The following EXOC4 variants were observed in gnomAD, a reference collection of about 807,000 sequenced individuals.
EXOC4 encodes exocyst complex component 4.
EXOC4 carries 71 observed loss-of-function variants against 107.2 expected under a neutral mutation model. The observed-to-expected ratio is 0.66, with a 90% CI of 0.55 to 0.81. The LOEUF is 0.81. Among genes scored for constraint, EXOC4 ranks in the 30% least tolerant of loss-of-function variants. The probability of loss-of-function intolerance (pLI) is 0.00; values close to 1 mark genes in which losing one functional copy is unlikely to be tolerated. For synonymous variants in EXOC4, 456 were observed against 441.2 expected (o/e 1.03, Z -0.42); for missense variants, 1,108 against 1,189.6 (o/e 0.93, Z 1.01).
intron 17 of EXOC4, among the ~76,000 whole-genome samples, chr7:134,040,666 G>A (rs1488689450): frequency 1.3e-5 from 2 of 152,212 alleles, no homozygotes; most frequent in Non-Finnish European, 2.9e-5. Context: ...AAAGCAGGTA[G>A]TGATAATGGC....
At chr7:133,786,786 A>T (rs980316013) in intron 10 of EXOC4, among the ~76,000 whole-genome samples, 1 of 152,208 alleles carries the variant, frequency 6.6e-6, no homozygotes, top group Admixed American at 6.5e-5. Flanking sequence ...CTATTAGAAG[A>T]CTTATGGTTT....
chr7:133,938,689 A>C (rs1307955474), intron 14 of EXOC4, among the ~76,000 whole-genome samples: 1 of 152,258 alleles, frequency 6.6e-6, no homozygotes, highest in East Asian at 1.9e-4. Flanking sequence ...TTTAGGGCAC[A>C]TAAACTTTAA....
At chr7:133,691,566 A>G (rs769978702) in intron 10 of EXOC4, among the ~76,000 whole-genome samples, 2 of 152,238 alleles carry the variant, frequency 1.3e-5, no homozygotes, top group African/African-American at 2.4e-5. Context: ...GATATGTAAT[A>G]GTGAACCAGA....
chr7:133,377,724 C>G (rs189561418), intron 7 of EXOC4, among the ~76,000 whole-genome samples: 1 of 151,984 alleles, frequency 6.6e-6, no homozygotes, highest in Non-Finnish European at 1.5e-5. Flanking sequence ...TCAACACATA[C>G]GCACATTATG....
At chr7:133,623,816 G>C (rs1052042320) in intron 9 of EXOC4, among the ~76,000 whole-genome samples, 1 of 152,112 alleles carries the variant, frequency 6.6e-6, no homozygotes, top group Non-Finnish European at 1.5e-5. Context: ...TTGTAACAAG[G>C]TTACCTTTGT....
rs149547947 is a variant in EXOC4, at chr7:133,604,601, T to C, written c.1418-25444T>C. Among the ~76,000 whole-genome samples, 8 of 152,246 alleles carry C rather than the reference T, an allele frequency of 5.3e-5. No individual in the cohort carries two copies. The East Asian group carries it at 1.5e-3, about 29-fold the overall frequency. ...GACTGTAATTAAAATGATCTTTTCT[T>C]TGAGTTCTGAACTTGACACACTTGG... On this transcript the variant is annotated intron_variant, in intron 9 of 17. Transcript: ENST00000253861.
the EXOC4 span, among the ~76,000 whole-genome samples, chr7:134,098,046 G>A: frequency 1.3e-5 from 2 of 152,164 alleles, no homozygotes; most frequent in Admixed American, 1.3e-4. Flanking sequence ...TGTCACGAAA[G>A]GAGGATTCAC....
At chr7:133,409,698 C>G (rs1324710701) in intron 7 of EXOC4, among the ~76,000 whole-genome samples, 1 of 152,098 alleles carries the variant, frequency 6.6e-6, no homozygotes, top group Admixed American at 6.6e-5. Context: ...TTCCTTCTTG[C>G]TTTTCTACAT....
At chr7:133,311,529 C>G (rs1794871582) in intron 4 of EXOC4, among the ~76,000 whole-genome samples, 1 of 152,044 alleles carries the variant, frequency 6.6e-6, no homozygotes, top group Non-Finnish European at 1.5e-5. Flanking sequence ...CTCTTATGTA[C>G]AAATGATTCA....
intron 14 of EXOC4, among the ~76,000 whole-genome samples, chr7:133,954,810 GC>G (rs1312815320): frequency 6.6e-6 from 1 of 152,256 alleles, no homozygotes; most frequent in African/African-American, 2.4e-5. Flanking sequence ...ATGGGCTCCA[GC>G]CACTGCTCAC....
At chr7:133,879,605 A>C in intron 11 of EXOC4, among the ~76,000 whole-genome samples, 1 of 151,982 alleles carries the variant, frequency 6.6e-6, no homozygotes, top group Non-Finnish European at 1.5e-5. Context: ...TTCTCTCTTC[A>C]TTGATTTTTC....
chr7:133,371,109 C>T (rs978585160), intron 6 of EXOC4, among the ~76,000 whole-genome samples: 2 of 152,166 alleles, frequency 1.3e-5, no homozygotes, highest in African/African-American at 4.8e-5. Context: ...AATCAGCTTT[C>T]ACAACACCTC....
At chr7:133,301,082 G>A (rs1794631727) in intron 3 of EXOC4, among the ~76,000 whole-genome samples, 1 of 152,202 alleles carries the variant, frequency 6.6e-6, no homozygotes, top group African/African-American at 2.4e-5. Flanking sequence ...CATTCACTGG[G>A]AGACCTGGAG....
chr7:133,761,410 C>T (rs1041604932), intron 10 of EXOC4, among the ~76,000 whole-genome samples: 3 of 152,018 alleles, frequency 2.0e-5, no homozygotes, highest in Non-Finnish European at 2.9e-5. Flanking sequence ...TGCTGAATCT[C>T]TCGGTAAAAA....
chr7:133,269,492 A>T (rs1793813820), intron 1 of EXOC4, among the ~76,000 whole-genome samples: 1 of 152,218 alleles, frequency 6.6e-6, no homozygotes, highest in African/African-American at 2.4e-5. Flanking sequence ...TAGGTATGCA[A>T]AATAACCACT....
intron 12 of EXOC4, among the ~76,000 whole-genome samples, chr7:133,911,699 T>C (rs1285611066): frequency 6.6e-6 from 1 of 152,244 alleles, no homozygotes; most frequent in Non-Finnish European, 1.5e-5. Context: ...ATTCTAGCCC[T>C]TCAAAATGTA....
intron 6 of EXOC4, 100 bp downstream of exon 6, chr7:133,356,673 G>T: frequency 7.2e-7 from 1 of 1,391,948 alleles, no homozygotes; most frequent in Non-Finnish European, 9.8e-7. Context: ...TTGTTTTCTT[G>T]AACTTAGGAT....
chr7:133,468,270 C>A (rs1015398480), intron 7 of EXOC4, among the ~76,000 whole-genome samples: 4 of 152,114 alleles, frequency 2.6e-5, no homozygotes, highest in African/African-American at 9.7e-5. Flanking sequence ...TGTGCAACTG[C>A]CATTGACAAT....
intron 13 of EXOC4, among the ~76,000 whole-genome samples, chr7:133,928,931 T>TC: frequency 7.7e-6 from 1 of 129,320 alleles, no homozygotes; most frequent in African/African-American, 3.0e-5. Context: ...CCTTTTTTTT[T>TC]TTTTTTTTTT....
Sources: allele counts gnomAD v4.1 joint callset (sites outside exome capture counted in the v4.1 genomes callset), GRCh38; gene constraint gnomAD v4.1.1; transcripts MANE v1.5; gene names NCBI Gene and HGNC (gene_info 2026-07-23, HGNC 2026-07-21).